LARP1B: variants seen among roughly 807,000 people sequenced by gnomAD.
The protein encoded by LARP1B is La ribonucleoprotein 1B, also known as la-related protein 1B.
LARP1B carries 76 observed loss-of-function variants against 114.2 expected under a neutral mutation model. The observed-to-expected ratio is 0.67, with a 90% confidence interval of 0.55 to 0.81. The LOEUF (loss-of-function observed/expected upper bound fraction) is 0.81, where lower values mean the gene tolerates loss of function less well. Among genes scored for constraint, LARP1B ranks in the 30% least tolerant of loss-of-function variants. The pLI, the probability that LARP1B is intolerant of heterozygous loss-of-function variation, is 0.00. For missense variants in LARP1B, 1,014 were observed against 1,075.8 expected (o/e 0.94, Z 0.80); for synonymous variants, 345 against 348.0 (o/e 0.99, Z 0.10).
At chr4:128,155,433 C>T (rs1581093619) in intron 11 of LARP1B, 1 of 692,934 alleles carries the variant, frequency 1.4e-6, no homozygotes, top group Non-Finnish European at 2.6e-6. Context: ...CCGGGAATGG[C>T]GTGGGTATGG....
chr4:128,127,942 C>T (rs369593532), intron 11 of LARP1B, among the ~76,000 whole-genome samples: 17 of 152,278 alleles, frequency 1.1e-4, no homozygotes, highest in Admixed American at 6.5e-4. Context: ...ACATATAGAT[C>T]AATGGAATAA....
intron 1 of LARP1B, among the ~76,000 whole-genome samples, chr4:128,066,533 A>G (rs1469988299): frequency 1.3e-5 from 2 of 148,204 alleles, no homozygotes; most frequent in Non-Finnish European, 3.0e-5. Flanking sequence ...GCCGGAGTGC[A>G]ATGGTGTGAT....
chr4:128,174,570 A>T (rs1430893760), intron 12 of LARP1B, among the ~76,000 whole-genome samples: 2 of 152,096 alleles, frequency 1.3e-5, no homozygotes, highest in Non-Finnish European at 2.9e-5. Context: ...AAATAAGTAT[A>T]AAACAAATAA....
intron 7 of LARP1B, among the ~76,000 whole-genome samples, chr4:128,221,959 G>T (rs1391035665): frequency 6.6e-6 from 1 of 152,190 alleles, no homozygotes; most frequent in African/African-American, 2.4e-5. Flanking sequence ...TAAGCACTTA[G>T]TAAACATGAG....
chr4:128,086,115 G>A (rs1304507390), intron 5 of LARP1B, among the ~76,000 whole-genome samples: 5 of 146,602 alleles, frequency 3.4e-5, no homozygotes, highest in Non-Finnish European at 7.4e-5. Flanking sequence ...CCTGGTTCAC[G>A]CCATTCACCC....
chr4:128,090,418 T>G (rs549320166), intron 5 of LARP1B, among the ~76,000 whole-genome samples: 2 of 152,198 alleles, frequency 1.3e-5, no homozygotes, highest in Non-Finnish European at 2.9e-5. Context: ...TCTGTATTTA[T>G]TGTCCACTTG....
chr4:128,209,804 A>G lies in LARP1B; in HGVS notation c.2548-52A>G, dbSNP rs1402647842. 1.0e-5 allele frequency: 15 copies of G among 1,437,070 alleles called. No individual in the cohort carries two copies. In the African/African-American group the frequency reaches 1.4e-4, roughly 13 times the overall value. 89.0% of individuals were successfully genotyped at this position (1,437,070 alleles called of 1,614,324 possible). A position where few individuals can be genotyped will look rare whatever the true frequency, so the allele number is the denominator to read the frequency against. ...GGAAAAGTCTAGCCTTAGATTCTGA[A>G]GGGAGGAAAAACAGTAAAATTGTCA... On this transcript the variant is annotated intron_variant, in intron 19 of 19. Transcript: ENST00000326639.
At position 128,095,482 on chromosome 4, in the gene LARP1B, T is replaced by G. The variant is rs1309855036; in HGVS notation, c.669-2704T>G. Reference sequence around the variant, plus strand: ...CCAGCCTGGGCAATAAGAGTGAAACTCCATCTCAAAAAAAAAAAAAAAAAA... The same window carrying G: ...CCAGCCTGGGCAATAAGAGTGAAACGCCATCTCAAAAAAAAAAAAAAAAAA... On this transcript the variant is annotated intron_variant, in intron 7 of 19. Coordinates refer to ENST00000326639, the MANE Select transcript of LARP1B (RefSeq NM_018078.4). Among the ~76,000 whole-genome samples, 5 of 74,820 alleles carry G rather than the reference T, an allele frequency of 6.7e-5. No homozygotes were observed. In the Admixed American group the frequency reaches 1.1e-3, roughly 16 times the overall value. 49.1% of individuals were successfully genotyped at this position (74,820 alleles called of 152,430 possible).
At chr4:128,135,057 G>A (rs751180550) in intron 11 of LARP1B, among the ~76,000 whole-genome samples, 25 of 151,888 alleles carry the variant, frequency 1.6e-4, no homozygotes, top group African/African-American at 4.6e-4. Flanking sequence ...AGCTGAGATC[G>A]CACCACTGCA....
chr4:128,099,279 T>C (rs1048435554), intron 8 of LARP1B, among the ~76,000 whole-genome samples: 1 of 150,716 alleles, frequency 6.6e-6, no homozygotes, highest in African/African-American at 2.4e-5. Context: ...CTGCTTTTTC[T>C]TTTTTTCTTT....
intron 10 of LARP1B, among the ~76,000 whole-genome samples, chr4:128,119,030 G>A (rs1378328155): frequency 1.3e-5 from 2 of 151,822 alleles, no homozygotes; most frequent in South Asian, 4.2e-4. Context: ...ACAGGCACCC[G>A]CCGCCATGCC....
chr4:128,129,391 T>A (rs1411867226), intron 11 of LARP1B, among the ~76,000 whole-genome samples: 2 of 150,370 alleles, frequency 1.3e-5, no homozygotes, highest in Non-Finnish European at 3.0e-5. Flanking sequence ...TCGAGAAACA[T>A]TCCTTGTTCA....
At chr4:128,144,974 G>C (rs1246981561) in intron 11 of LARP1B, among the ~76,000 whole-genome samples, 1 of 150,834 alleles carries the variant, frequency 6.6e-6, no homozygotes, top group East Asian at 1.9e-4. Context: ...TTGACTATGG[G>C]TTACATTTTC....
intron 11 of LARP1B, among the ~76,000 whole-genome samples, chr4:128,161,963 T>C (rs1032328541): frequency 3.3e-5 from 5 of 152,294 alleles, no homozygotes; most frequent in East Asian, 3.9e-4. Flanking sequence ...TGTGGTCTTA[T>C]AATGTTTTTT....
rs554839338 is a variant in LARP1B at position 128,095,663 on chromosome 4, C to T, written c.669-2523C>T. Among the ~76,000 whole-genome samples the T allele has an allele frequency of 5.9e-5, 9 of 152,180 alleles. No homozygotes were observed. In the South Asian group the frequency reaches 1.9e-3, roughly 32 times the overall value. ...TTAAAATAAGTTGATTTATTTTCTT[C>T]CCCTTCAGTAAAAGGTAGCTGAAAA... is the stretch of plus-strand genomic sequence containing the variant. On this transcript the variant is annotated intron_variant, in intron 7 of 19. Coordinates refer to ENST00000326639, the MANE Select transcript of LARP1B (RefSeq NM_018078.4).
intron 11 of LARP1B, among the ~76,000 whole-genome samples, chr4:128,138,956 T>A (rs963887156): frequency 5.3e-5 from 8 of 151,716 alleles, no homozygotes; most frequent in African/African-American, 1.9e-4. Context: ...TCTCAAAAAA[T>A]AATAATAATA....
chr4:128,102,426 A>G (rs763973566), intron 8 of LARP1B, among the ~76,000 whole-genome samples: 9 of 152,226 alleles, frequency 5.9e-5, no homozygotes, highest in Admixed American at 1.3e-4. Context: ...TTAGTCTTAA[A>G]CGATGTCGTT....
At chr4:128,189,291 C>T (rs1355689518) in intron 15 of LARP1B, among the ~76,000 whole-genome samples, 2 of 29,450 alleles carry the variant, frequency 6.8e-5, no homozygotes, top group Non-Finnish European at 1.6e-4. Flanking sequence ...CAGACTTTCA[C>T]TTGTTCTATT....
intron 15 of LARP1B, among the ~76,000 whole-genome samples, chr4:128,188,694 G>A (rs894599907): frequency 1.2e-4 from 18 of 152,166 alleles, no homozygotes; most frequent in Non-Finnish European, 2.6e-4. Context: ...GGAAAGTTAC[G>A]TTTCCATTTG....
Sources: allele counts gnomAD v4.1 joint callset (sites outside exome capture counted in the v4.1 genomes callset), GRCh38; gene constraint gnomAD v4.1.1; transcripts MANE v1.5; gene names NCBI Gene and HGNC (gene_info 2026-07-23, HGNC 2026-07-21).